ARMC9: variants seen among roughly 807,000 people sequenced by gnomAD.
The protein encoded by ARMC9 is lisH domain-containing protein ARMC9.
ARMC9 carries 94 observed loss-of-function variants against 107.0 expected under a neutral mutation model. That is an observed-to-expected ratio of 0.88 (90% CI 0.74 to 1.04). The LOEUF (loss-of-function observed/expected upper bound fraction) is 1.04. ARMC9 is among the 50% of genes least tolerant of loss of function. The probability of loss-of-function intolerance (pLI) is 0.00; values close to 1 mark genes in which losing one functional copy is unlikely to be tolerated. For missense variants in ARMC9, 942 were observed against 1,030.1 expected (o/e 0.91, Z 1.17); for synonymous variants, 380 against 396.9 (o/e 0.96, Z 0.51).
At chr2:231,261,084 G>A (rs911151202) in intron 11 of ARMC9, among the ~76,000 whole-genome samples, 1 of 152,162 alleles carries the variant, frequency 6.6e-6, no homozygotes, top group South Asian at 2.1e-4. Flanking sequence ...TCTGGCCTGC[G>A]CTCTTGCCCA....
At chr2:231,305,019 A>G (rs920387543) in intron 19 of ARMC9, among the ~76,000 whole-genome samples, 9 of 152,230 alleles carry the variant, frequency 5.9e-5, no homozygotes, top group African/African-American at 1.7e-4. Flanking sequence ...TTGCAACTTT[A>G]TCTCACAAGT....
chr2:231,272,942 G>A lies in ARMC9; in HGVS notation c.1211-13G>A. 6.2e-7 allele frequency: 1 copy of A among 1,607,660 alleles called. No homozygotes were observed. On this transcript the variant is annotated splice_polypyrimidine_tract_variant and intron_variant, in intron 13 of 24. Coordinates refer to ENST00000611582, the MANE Select transcript of ARMC9 (RefSeq NM_001352754.2). ...TCTGTCTTTCACCTGTTTCATCTCT[G>A]GTGTATTATCAGGTCGCCTCTACCT...
At chr2:231,294,058 C>T (rs547640523) in intron 18 of ARMC9, 2 of 151,908 alleles carry the variant, frequency 1.3e-5, no homozygotes, top group South Asian at 2.1e-4. Context: ...TTTCAGTAAA[C>T]TTGAAAACAT....
At chr2:231,209,926 T>C (rs188872339) in intron 3 of ARMC9, among the ~76,000 whole-genome samples, 1 of 152,190 alleles carries the variant, frequency 6.6e-6, no homozygotes, top group East Asian at 1.9e-4. Context: ...TCAAGTGATC[T>C]TCCTGCCTCA....
intron 13 of ARMC9, among the ~76,000 whole-genome samples, 153 bp from the exon 14 acceptor site, chr2:231,272,802 C>T (rs2039451370): frequency 6.6e-6 from 1 of 152,204 alleles, no homozygotes; most frequent in South Asian, 2.1e-4. Flanking sequence ...AGGCGTGAGC[C>T]ACCGCGCCCT....
At chr2:231,348,974 A>G (rs888059918) in intron 21 of ARMC9, among the ~76,000 whole-genome samples, 15 of 152,282 alleles carry the variant, frequency 9.9e-5, no homozygotes, top group Admixed American at 5.9e-4. Context: ...ACCCTCATAC[A>G]CTGTTGGTGA....
At chr2:231,254,910 A>T (rs2037626218) in intron 9 of ARMC9, among the ~76,000 whole-genome samples, 1 of 152,064 alleles carries the variant, frequency 6.6e-6, no homozygotes, top group Non-Finnish European at 1.5e-5. Context: ...ATGTCATGTC[A>T]CCTGTAAATC....
intron 9 of ARMC9, among the ~76,000 whole-genome samples, chr2:231,248,932 G>A (rs2037038746): frequency 6.6e-6 from 1 of 152,014 alleles, no homozygotes; most frequent in African/African-American, 2.4e-5. Context: ...TGCCTCAAGG[G>A]TTCCATTGTG....
intron 3 of ARMC9, among the ~76,000 whole-genome samples, chr2:231,210,307 C>T (rs150018060): frequency 1.3e-5 from 2 of 152,190 alleles, no homozygotes; most frequent in Non-Finnish European, 2.9e-5. Flanking sequence ...TGGCACCCCC[C>T]ACACCTAGAA....
intron 5 of ARMC9, 63 bp downstream of exon 5, chr2:231,216,856 A>G (rs2033567485): frequency 6.6e-7 from 1 of 1,518,532 alleles, no homozygotes; most frequent in Non-Finnish European, 8.9e-7. Context: ...TACCTTCTGT[A>G]TGCTGGGGGC....
chr2:231,215,167 G>T (rs1019059869), intron 4 of ARMC9, 166 bp downstream of exon 4: 12 of 652,378 alleles, frequency 1.8e-5, no homozygotes, highest in Non-Finnish European at 2.4e-5. Context: ...TGTATTCCCA[G>T]CAGTTTATAT....
intron 4 of ARMC9, 89 bp from the exon 5 acceptor site, chr2:231,216,549 A>G: frequency 6.9e-7 from 1 of 1,438,904 alleles, no homozygotes; most frequent in Non-Finnish European, 9.4e-7. Context: ...CACGACTGGG[A>G]CAGAAGGAGC....
At chr2:231,237,775 ATATATATTTTTTTTTTTTTT>A (rs2035883963) in intron 8 of ARMC9, among the ~76,000 whole-genome samples, 1 of 40,780 alleles carries the variant, frequency 2.5e-5, no homozygotes, top group East Asian at 6.5e-4. Flanking sequence ...ATATATATAT[ATATATATTTTTTTTTTTTTT>A]TTTTTTTTTT....
intron 19 of ARMC9, among the ~76,000 whole-genome samples, chr2:231,328,829 T>C (rs1350997323): frequency 1.4e-5 from 2 of 143,454 alleles, no homozygotes; most frequent in Non-Finnish European, 3.1e-5. Context: ...CTTTTTTTTT[T>C]TTTGAGTCGG....
intron 19 of ARMC9, among the ~76,000 whole-genome samples, chr2:231,329,770 A>T (rs974743409): frequency 3.3e-5 from 5 of 152,134 alleles, no homozygotes; most frequent in Admixed American, 1.3e-4. Flanking sequence ...TTGATTTTAT[A>T]TGTCTTTCTT....
intron 1 of ARMC9, among the ~76,000 whole-genome samples, chr2:231,203,929 C>G (rs1285786856): frequency 2.0e-5 from 3 of 151,976 alleles, no homozygotes; most frequent in African/African-American, 4.8e-5. Flanking sequence ...CATTCTACTC[C>G]AGCCCAAGCA....
intron 7 of ARMC9, among the ~76,000 whole-genome samples, chr2:231,230,233 T>G (rs1486960372): frequency 6.6e-6 from 1 of 151,692 alleles, no homozygotes; most frequent in Non-Finnish European, 1.5e-5. Context: ...CGTGGCGACG[T>G]ACATCTGAAG....
At chr2:231,345,120 G>T (rs1420137263) in intron 21 of ARMC9, 30 bp downstream of exon 21, 2 of 1,607,316 alleles carry the variant, frequency 1.2e-6, no homozygotes, top group East Asian at 2.2e-5. Context: ...AGCGGGAATT[G>T]ACTTTCTTAA....
At chr2:231,343,209 G>A (rs1377032438) in intron 20 of ARMC9, among the ~76,000 whole-genome samples, 5 of 151,698 alleles carry the variant, frequency 3.3e-5, no homozygotes, top group South Asian at 2.1e-4. Flanking sequence ...CACTGTACCC[G>A]GACCAGGGCA....
Sources: gnomAD v4.1 joint callset for allele counts (sites outside exome capture counted in the v4.1 genomes callset) on GRCh38, gnomAD v4.1.1 for gene constraint, MANE v1.5 for transcripts, NCBI Gene and HGNC (gene_info 2026-07-23, HGNC 2026-07-21) for gene names.